MRAP2: variants seen among roughly 807,000 people sequenced by gnomAD.
The protein encoded by MRAP2 is melanocortin-2 receptor accessory protein 2.
Under a neutral mutation model 17.4 loss-of-function variants are expected in MRAP2, and 20 were observed. The ratio of observed to expected loss-of-function variants is 1.15; its 90% CI spans 0.81 to 1.67. The LOEUF is 1.67. MRAP2 is among the 40% of genes most tolerant of loss of function. MRAP2 has a pLI of 0.00. For synonymous variants in MRAP2, 96 were observed against 88.4 expected (o/e 1.09, Z -0.48); for missense variants, 238 against 240.0 (o/e 0.99, Z 0.05).
chr6:84,103,608 A>T, the MRAP2 span, among the ~76,000 whole-genome samples: 45 of 152,340 alleles, frequency 3.0e-4, 1 homozygote, highest in South Asian at 8.9e-3. Context: ...CCCTTTATAA[A>T]TAATTCAAAT....
At chr6:84,125,025 A>C in the MRAP2 span, 1 of 1,415,044 alleles carries the variant, frequency 7.1e-7, no homozygotes, top group Non-Finnish European at 9.9e-7. Context: ...AATCCCATCC[A>C]TCTTCAGGCC....
intron 3 of MRAP2, 80 bp downstream of exon 3, chr6:84,063,072 G>T: frequency 6.3e-7 from 1 of 1,590,882 alleles, no homozygotes; most frequent in East Asian, 2.3e-5. Flanking sequence ...AGGGCCGGAG[G>T]TGCTTCCCGT....
At chr6:84,093,446 T>C (rs73750504), downstream of MRAP2, among the ~76,000 whole-genome samples, 61 of 151,728 alleles carry the variant, frequency 4.0e-4, no homozygotes, top group Non-Finnish European at 8.4e-4. Context: ...CTATCTGGAG[T>C]GCCATGAGAT....
the MRAP2 span, among the ~76,000 whole-genome samples, chr6:84,142,510 C>A: frequency 6.6e-6 from 1 of 152,020 alleles, no homozygotes; most frequent in Non-Finnish European, 1.5e-5. Flanking sequence ...GAAAAAGAAG[C>A]ACTTACACAA....
intron 1 of MRAP2, among the ~76,000 whole-genome samples, chr6:84,053,075 C>T (rs2099490842): frequency 6.6e-6 from 1 of 152,188 alleles, no homozygotes; most frequent in South Asian, 2.1e-4. Flanking sequence ...TCTTGTGGAA[C>T]CTGGTAGCCA....
At chr6:84,040,769 A>C (rs1343126270) in intron 1 of MRAP2, among the ~76,000 whole-genome samples, 1 of 152,166 alleles carries the variant, frequency 6.6e-6, no homozygotes, top group South Asian at 2.1e-4. Flanking sequence ...CAGAGAGATG[A>C]TTTAGGGTGT....
intron 1 of MRAP2, among the ~76,000 whole-genome samples, chr6:84,048,990 T>C (rs2099489730): frequency 6.6e-6 from 1 of 152,138 alleles, no homozygotes; most frequent in African/African-American, 2.4e-5. Flanking sequence ...ATGCCTCTTC[T>C]CTTCTCTGGA....
chr6:84,105,189 C>T, the MRAP2 span, among the ~76,000 whole-genome samples: 5 of 152,188 alleles, frequency 3.3e-5, no homozygotes, highest in African/African-American at 1.2e-4. Flanking sequence ...TCTAAAGTAG[C>T]TTCCACATTT....
chr6:84,044,284 T>C (rs905668347), intron 1 of MRAP2, among the ~76,000 whole-genome samples: 1 of 152,238 alleles, frequency 6.6e-6, no homozygotes, highest in Non-Finnish European at 1.5e-5. Context: ...CCTCCCAGGT[T>C]CAAGTGATTC....
At chr6:84,118,489 G>A in the MRAP2 span, among the ~76,000 whole-genome samples, 63 of 152,314 alleles carry the variant, frequency 4.1e-4, no homozygotes, top group African/African-American at 1.5e-3. Flanking sequence ...CCCATGAAGA[G>A]GAACAGATGA....
chr6:84,055,834 A>G (rs984346476), intron 2 of MRAP2, among the ~76,000 whole-genome samples: 1 of 152,318 alleles, frequency 6.6e-6, no homozygotes, highest in African/African-American at 2.4e-5. Context: ...ACACAGCAGC[A>G]TCTTTTCATC....
At chr6:84,074,958 C>G (rs141862450) in intron 3 of MRAP2, among the ~76,000 whole-genome samples, 1 of 152,066 alleles carries the variant, frequency 6.6e-6, no homozygotes, top group Non-Finnish European at 1.5e-5. Context: ...CTTCTGTTAA[C>G]GGGGGAAATA....
intron 1 of MRAP2, among the ~76,000 whole-genome samples, chr6:84,034,700 A>G (rs1359058758): frequency 1.3e-5 from 2 of 152,030 alleles, no homozygotes; most frequent in African/African-American, 2.4e-5. Flanking sequence ...TTGAAGGCAA[A>G]GGAAGCTTGA....
At chr6:84,072,288 C>G (rs1688740908) in intron 3 of MRAP2, among the ~76,000 whole-genome samples, 1 of 152,138 alleles carries the variant, frequency 6.6e-6, no homozygotes, top group Non-Finnish European at 1.5e-5. Flanking sequence ...AGTACTCTCC[C>G]CCTTTTCCTA....
At chr6:84,043,207 T>G (rs1412330008) in intron 1 of MRAP2, among the ~76,000 whole-genome samples, 7 of 152,242 alleles carry the variant, frequency 4.6e-5, no homozygotes, top group Non-Finnish European at 8.8e-5. Flanking sequence ...GTTTAAAATC[T>G]TTAAAGTTTT....
intron 3 of MRAP2, among the ~76,000 whole-genome samples, chr6:84,078,611 G>A (rs1310583471): frequency 1.3e-5 from 2 of 152,146 alleles, no homozygotes; most frequent in African/African-American, 2.4e-5. Context: ...GGGTTATAGG[G>A]GTGGATCCCT....
intron 1 of MRAP2, among the ~76,000 whole-genome samples, chr6:84,036,400 A>C (rs2099485988): frequency 6.6e-6 from 1 of 152,184 alleles, no homozygotes; most frequent in African/African-American, 2.4e-5. Context: ...GGTCTCACTG[A>C]CTTCAAGAAT....
At chr6:84,110,222 C>G in the MRAP2 span, among the ~76,000 whole-genome samples, 23 of 152,144 alleles carry the variant, frequency 1.5e-4, no homozygotes, top group African/African-American at 5.1e-4. Flanking sequence ...TAAAAGTGTT[C>G]CTATTTCTCC....
intron 3 of MRAP2, among the ~76,000 whole-genome samples, chr6:84,072,750 C>T (rs1183038219): frequency 1.3e-5 from 2 of 152,062 alleles, no homozygotes; most frequent in African/African-American, 4.8e-5. Flanking sequence ...GGTCTTGCTG[C>T]AGCTGCTGTG....
Sources: allele counts gnomAD v4.1 joint callset (sites outside exome capture counted in the v4.1 genomes callset), GRCh38; gene constraint gnomAD v4.1.1; transcripts MANE v1.5; gene names NCBI Gene and HGNC (gene_info 2026-07-23, HGNC 2026-07-21).